The following DNAH3 variants were observed in gnomAD, a reference collection of about 807,000 sequenced individuals.
DNAH3 encodes the protein axonemal beta dynein heavy chain 3.
Under a neutral mutation model 432.5 loss-of-function variants are expected in DNAH3, and 332 were observed. The observed-to-expected ratio is 0.77, with a 90% CI of 0.70 to 0.84. The LOEUF (loss-of-function observed/expected upper bound fraction) is 0.84, where lower values mean the gene tolerates loss of function less well. Ranked by LOEUF, DNAH3 falls within the 40% of genes least tolerant of loss-of-function variation. DNAH3 has a pLI of 0.00. For missense variants in DNAH3, 4,861 were observed against 5,114.0 expected (o/e 0.95, Z 1.51); for synonymous variants, 1,956 against 1,900.2 (o/e 1.03, Z -0.76).
intron 51 of DNAH3, 124 bp from the exon 52 acceptor site, chr16:20,970,114 C>T: frequency 6.7e-6 from 6 of 889,716 alleles, no homozygotes; most frequent in Non-Finnish European, 1.1e-5. Flanking sequence ...TACCCTTTAA[C>T]ATGGTGCCTG....
intron 15 of DNAH3, among the ~76,000 whole-genome samples, chr16:21,106,200 G>C (rs902584118): frequency 6.0e-5 from 7 of 116,662 alleles, no homozygotes; most frequent in Non-Finnish European, 9.4e-5. Flanking sequence ...AAAAAAAAAA[G>C]AACTGGAGGT....
At chr16:21,070,814 A>C in exon 22 of DNAH3, 1 of 1,599,592 alleles carries the variant, frequency 6.3e-7, no homozygotes, top group Non-Finnish European at 8.6e-7. Context: ...ATTGCACACA[A>C]GATGTTTGTA....
At chr16:21,080,413 TATC>T (rs1247263690) in intron 20 of DNAH3, among the ~76,000 whole-genome samples, 1 of 152,250 alleles carries the variant, frequency 6.6e-6, no homozygotes, top group Non-Finnish European at 1.5e-5. Context: ...TCCAAAATAT[TATC>T]ATTTCAATAC....
intron 51 of DNAH3, 97 bp from the exon 52 acceptor site, chr16:20,970,087 G>A: frequency 1.7e-6 from 2 of 1,164,756 alleles, no homozygotes; most frequent in Non-Finnish European, 2.5e-6. Context: ...GAAGGAAGAG[G>A]TGCTTCCTCT....
intron 19 of DNAH3, among the ~76,000 whole-genome samples, chr16:21,082,245 C>A (rs1050381032): frequency 2.6e-5 from 4 of 151,656 alleles, no homozygotes; most frequent in Non-Finnish European, 5.9e-5. Flanking sequence ...GGCTGAAGTG[C>A]AGTGGTGTGA....
At chr16:21,104,667 G>T in intron 15 of DNAH3, 73 bp from the exon 16 acceptor site, 1 of 846,940 alleles carries the variant, frequency 1.2e-6, no homozygotes, top group Non-Finnish European at 2.0e-6. Flanking sequence ...GAATTAATTA[G>T]ACAGAACAAG....
chr16:20,986,975 C>A (rs2086228744), intron 47 of DNAH3, among the ~76,000 whole-genome samples: 1 of 152,260 alleles, frequency 6.6e-6, no homozygotes, highest in South Asian at 2.1e-4. Flanking sequence ...CAAATCATGA[C>A]AATGTACAGT....
chr16:20,969,780 G>A lies in DNAH3; in HGVS notation c.8458+12C>T. 1 of 1,613,876 alleles carries A rather than the reference G, an allele frequency of 6.2e-7. No individual in the cohort carries two copies. Among genetic ancestry groups the A allele is most frequent in the Admixed American group, 1.7e-5 (1 of 60,028 alleles). On this transcript the variant is annotated intron_variant, in intron 52 of 61. Transcript: ENST00000261383. ...GCAGCCTGTGCAGGCATCTGGGTGG[G>A]GTGGCACTTACCGGAGCCACTGGGG...
In DNAH3 at chr16:20,988,815, G is replaced by A. The variant is rs112063559; in HGVS notation, c.6602-750C>T. Reference sequence around the variant, plus strand: ...GCGTCTGGAGGTTGTTCCTTCTGATGTTCGAATGTGTTCGGAGTTTTTTCC... The same window carrying A: ...GCGTCTGGAGGTTGTTCCTTCTGATATTCGAATGTGTTCGGAGTTTTTTCC... On this transcript the variant is annotated intron_variant, in intron 44 of 61. Coordinates refer to ENST00000261383, the Ensembl canonical transcript of DNAH3. Among the ~76,000 whole-genome samples the A allele has an allele frequency of 1.7e-3, 260 of 152,242 alleles. 1 individual carries two copies. Among genetic ancestry groups the A allele is most frequent in the African/African-American group, 5.6e-3 (233 of 41,532 alleles).
At chr16:20,964,008 C>T in exon 53 of DNAH3, 1 of 1,614,176 alleles carries the variant, frequency 6.2e-7, no homozygotes, top group Non-Finnish European at 8.5e-7. Context: ...GCTTGTAGCC[C>T]ATCCGAGTCT....
chr16:21,066,070 G>A (rs1406642534), intron 24 of DNAH3, among the ~76,000 whole-genome samples: 2 of 151,638 alleles, frequency 1.3e-5, no homozygotes, highest in Admixed American at 6.6e-5. Flanking sequence ...CGGGTGATCC[G>A]CCCCCTCGGC....
At chr16:21,126,136 C>T (rs1490989676) in intron 8 of DNAH3, among the ~76,000 whole-genome samples, 1 of 152,164 alleles carries the variant, frequency 6.6e-6, no homozygotes, top group Non-Finnish European at 1.5e-5. Context: ...TGCACTCCAA[C>T]TTGAGTGACA....
intron 14 of DNAH3, among the ~76,000 whole-genome samples, chr16:21,110,253 AGGT>A (rs1374555268): frequency 1.3e-5 from 2 of 152,226 alleles, no homozygotes; most frequent in Non-Finnish European, 2.9e-5. Flanking sequence ...CATGTGGTTT[AGGT>A]GGTGTTGACA....
intron 12 of DNAH3, among the ~76,000 whole-genome samples, chr16:21,116,586 T>A (rs1412203173): frequency 6.6e-6 from 1 of 152,138 alleles, no homozygotes; most frequent in East Asian, 1.9e-4. Flanking sequence ...GTCTCAAGCA[T>A]GTCTTCATTA....
At position 20,987,391 on chromosome 16, in the gene DNAH3, G is replaced by A. The variant is rs1048642840; in HGVS notation, c.6940C>T (p.Arg2314Cys). The A allele has an allele frequency of 1.8e-5, 29 of 1,613,992 alleles. No homozygotes were observed. Among genetic ancestry groups the A allele is most frequent in the Non-Finnish European group, 2.3e-5 (27 of 1,180,020 alleles). The change falls in exon 47 of 62, where the codon CGT (arginine) becomes TGT (cysteine). Residue 2314 changes from arginine to cysteine, a missense_variant. Transcript: ENST00000261383. The stretch of plus-strand genomic sequence containing the variant: ...TGTCTGTCCTCCTTGTCAATCAGAC[G>A]ATCATAGAAGACCCGATAAACCTCA...
intron 1 of DNAH3, among the ~76,000 whole-genome samples, chr16:21,149,641 C>G (rs2092828650): frequency 6.6e-6 from 1 of 152,050 alleles, no homozygotes; most frequent in Non-Finnish European, 1.5e-5. Flanking sequence ...AGTGGGGGAC[C>G]AAGACTCTAT....
Position 21,126,392 on chromosome 16 carries a change from A to G in DNAH3, c.1209-1022T>C, listed in dbSNP as rs1276581731. 3.3e-5 allele frequency among the ~76,000 whole-genome samples: 5 copies of G among 152,284 alleles called. No individual in the cohort carries two copies. The East Asian group carries it at 9.7e-4, about 29-fold the overall frequency. ...TTTATTGAGCAGCTATTATGTGCCA[A>G]TGATAGCATCTACATTTTCTCTGCT... On this transcript the variant is annotated intron_variant, in intron 8 of 61. Coordinates refer to ENST00000261383, the Ensembl canonical transcript of DNAH3.
exon 7 of DNAH3, chr16:21,134,353 G>C (rs764560258): frequency 6.2e-7 from 1 of 1,614,194 alleles, no homozygotes; most frequent in Non-Finnish European, 8.5e-7. Flanking sequence ...TAGACACTGT[G>C]CCAGGGCACA....
intron 7 of DNAH3, among the ~76,000 whole-genome samples, chr16:21,131,639 C>T (rs577305930): frequency 1.3e-4 from 20 of 151,704 alleles, no homozygotes; most frequent in African/African-American, 4.8e-4. Flanking sequence ...CACCTGAGGT[C>T]GGGAGTTCGA....
Sources: gnomAD v4.1 joint callset for allele counts (sites outside exome capture counted in the v4.1 genomes callset) on GRCh38, gnomAD v4.1.1 for gene constraint, MANE v1.5 for transcripts, NCBI Gene and HGNC (gene_info 2026-07-23, HGNC 2026-07-21) for gene names.